EPHA6: variants seen among roughly 807,000 people sequenced by gnomAD.
EPHA6 encodes EPH receptor A6.
A neutral mutation model predicts 112.0 loss-of-function variants in EPHA6; 50 were observed. The ratio of observed to expected loss-of-function variants is 0.45; its 90% confidence interval spans 0.36 to 0.56. The LOEUF is 0.56. Ranked by LOEUF, EPHA6 falls within the 20% of genes least tolerant of loss-of-function variation. The probability of loss-of-function intolerance (pLI) is 0.00; values close to 1 mark genes in which losing one functional copy is unlikely to be tolerated. For synonymous variants in EPHA6, 529 were observed against 490.7 expected, an observed-to-expected ratio of 1.08 and a Z score of -1.03; for missense variants, 1,280 against 1,417.4, an observed-to-expected ratio of 0.90 and a Z score of 1.56.
intron 10 of EPHA6, among the ~76,000 whole-genome samples, chr3:97,507,687 G>A (rs777138091): frequency 6.6e-6 from 1 of 152,086 alleles, no homozygotes; most frequent in Non-Finnish European, 1.5e-5. Context: ...AAATGACTTA[G>A]GGAGGAGTCC....
intron 11 of EPHA6, among the ~76,000 whole-genome samples, chr3:97,539,572 C>A (rs2092819777): frequency 6.6e-6 from 1 of 152,168 alleles, no homozygotes; most frequent in Admixed American, 6.5e-5. Context: ...CTTCTTGAAT[C>A]CTAGATTGCA....
chr3:96,940,582 C>A (rs998392205), intron 2 of EPHA6, among the ~76,000 whole-genome samples: 10 of 152,240 alleles, frequency 6.6e-5, no homozygotes, highest in African/African-American at 2.4e-4. Context: ...TTAGTTGGAG[C>A]ATTTAGTCCA....
intron 5 of EPHA6, among the ~76,000 whole-genome samples, chr3:97,274,711 G>A (rs1453459860): frequency 6.6e-6 from 1 of 152,098 alleles, no homozygotes; most frequent in Non-Finnish European, 1.5e-5. Flanking sequence ...AATTAGGCCT[G>A]GTGGAACTGC....
At chr3:96,838,977 T>C (rs1358784979) in intron 1 of EPHA6, among the ~76,000 whole-genome samples, 1 of 152,162 alleles carries the variant, frequency 6.6e-6, no homozygotes, top group African/African-American at 2.4e-5. Flanking sequence ...CAGTTTTACC[T>C]AGCAAGTGGT....
chr3:97,518,367 G>T (rs1392434183), intron 10 of EPHA6, among the ~76,000 whole-genome samples: 3 of 151,860 alleles, frequency 2.0e-5, no homozygotes, highest in Admixed American at 6.6e-5. Flanking sequence ...TATATCTACT[G>T]CCATTTGTAT....
intron 5 of EPHA6, among the ~76,000 whole-genome samples, chr3:97,349,694 T>C (rs1180044707): frequency 1.3e-5 from 2 of 152,016 alleles, no homozygotes; most frequent in African/African-American, 4.8e-5. Flanking sequence ...TCAGCAGCAA[T>C]GTGCCTGGAT....
intron 6 of EPHA6, among the ~76,000 whole-genome samples, chr3:97,424,345 G>T (rs2088923260): frequency 6.6e-6 from 1 of 151,954 alleles, no homozygotes; most frequent in Non-Finnish European, 1.5e-5. Flanking sequence ...TTCACCCCTG[G>T]CCATTCCCAA....
intron 3 of EPHA6, among the ~76,000 whole-genome samples, chr3:97,216,652 CA>C (rs2108524451): frequency 6.6e-6 from 1 of 152,210 alleles, no homozygotes; most frequent in South Asian, 2.1e-4. Context: ...TAAGTACTGC[CA>C]AACAGTTCTC....
chr3:97,571,867 A>C (rs1048297526), intron 11 of EPHA6, among the ~76,000 whole-genome samples: 4 of 152,246 alleles, frequency 2.6e-5, no homozygotes, highest in Non-Finnish European at 4.4e-5. Context: ...GTCAATGTGA[A>C]ATGTGGAAGG....
intron 11 of EPHA6, among the ~76,000 whole-genome samples, chr3:97,588,031 G>A (rs1266563592): frequency 6.6e-6 from 1 of 152,088 alleles, no homozygotes; most frequent in Non-Finnish European, 1.5e-5. Context: ...AAGTTTTACA[G>A]GGGATATTAT....
At chr3:96,873,988 C>T (rs930572148) in intron 2 of EPHA6, among the ~76,000 whole-genome samples, 12 of 152,012 alleles carry the variant, frequency 7.9e-5, no homozygotes, top group Non-Finnish European at 1.8e-4. Flanking sequence ...GTTTCAGAAC[C>T]TACCCATGGT....
intron 4 of EPHA6, among the ~76,000 whole-genome samples, chr3:97,227,589 T>C (rs1172330294): frequency 6.6e-6 from 1 of 152,182 alleles, no homozygotes; most frequent in Non-Finnish European, 1.5e-5. Flanking sequence ...ATATAGCCTC[T>C]GACCAAGACA....
intron 13 of EPHA6, among the ~76,000 whole-genome samples, chr3:97,615,736 C>G (rs2093760099): frequency 6.6e-6 from 1 of 152,114 alleles, no homozygotes; most frequent in African/African-American, 2.4e-5. Flanking sequence ...CCTCTTTAAC[C>G]AATGTATTCC....
At chr3:97,085,946 T>TATATATATATATAC (rs952418337) in intron 3 of EPHA6, among the ~76,000 whole-genome samples, 1 of 145,092 alleles carries the variant, frequency 6.9e-6, no homozygotes, top group African/African-American at 2.8e-5. Flanking sequence ...TATATATATA[T>TATATATATATATAC]ATACACACTG....
intron 10 of EPHA6, among the ~76,000 whole-genome samples, chr3:97,515,826 T>C (rs1246900848): frequency 1.3e-5 from 2 of 151,996 alleles, no homozygotes. Flanking sequence ...AAAAACTTGT[T>C]CAAAAGGAAA....
intron 5 of EPHA6, among the ~76,000 whole-genome samples, chr3:97,289,004 AATTTGCAAAT>A (rs1477469588): frequency 1.4e-5 from 2 of 145,834 alleles, no homozygotes; most frequent in Non-Finnish European, 1.5e-5. Context: ...TCAGATACAT[AATTTGCAAAT>A]ATTTTCTCCC....
intron 2 of EPHA6, 73 bp from the exon 3 acceptor site, chr3:96,987,257 A>C: frequency 7.3e-7 from 1 of 1,369,430 alleles, no homozygotes; most frequent in Non-Finnish European, 1.0e-6. Flanking sequence ...AAAACAAAAA[A>C]AATTGTAAGT....
At chr3:97,657,706 G>A (rs1433344751) in intron 14 of EPHA6, among the ~76,000 whole-genome samples, 1 of 151,882 alleles carries the variant, frequency 6.6e-6, no homozygotes, top group African/African-American at 2.4e-5. Flanking sequence ...AGCCACTATT[G>A]AGACTAACAG....
chr3:97,173,522 T>C (rs1204569375), intron 3 of EPHA6, among the ~76,000 whole-genome samples: 1 of 151,778 alleles, frequency 6.6e-6, no homozygotes, highest in Non-Finnish European at 1.5e-5. Context: ...TTTTGAAAAC[T>C]ATACTAATTA....
Sources: allele counts gnomAD v4.1 joint callset (sites outside exome capture counted in the v4.1 genomes callset), GRCh38; gene constraint gnomAD v4.1.1; transcripts MANE v1.5; gene names NCBI Gene and HGNC (gene_info 2026-07-23, HGNC 2026-07-21).